HELZ2: variants seen among roughly 807,000 people sequenced by gnomAD.
HELZ2 encodes helicase with zinc finger 2, also known as 3'-5' exoribonuclease HELZ2.
A neutral mutation model predicts 208.8 loss-of-function variants in HELZ2; 143 were observed. The ratio of observed to expected loss-of-function variants is 0.68; its 90% CI spans 0.60 to 0.79. The LOEUF is 0.79. Ranked by LOEUF, HELZ2 falls within the 30% of genes least tolerant of loss-of-function variation. The probability of loss-of-function intolerance (pLI) is 0.00; values close to 1 mark genes in which losing one functional copy is unlikely to be tolerated. For missense variants in HELZ2, 3,690 were observed against 3,794.5 expected (o/e 0.97, Z 0.72); for synonymous variants, 1,705 against 1,693.7 (o/e 1.01, Z -0.16).
intron 1 of HELZ2, 105 bp from the exon 3 acceptor site, chr20:63,570,973 G>C: frequency 1.1e-6 from 1 of 885,344 alleles, no homozygotes; most frequent in Non-Finnish European, 1.7e-6. Flanking sequence ...AGGGAGCAGG[G>C]GCTTTATTCG....
chr20:63,570,712 G>A, exon 2 of HELZ2: 1 of 1,601,986 alleles, frequency 6.2e-7, no homozygotes. Flanking sequence ...TGCTGCGCTG[G>A]TACTCGGCCA....
chr20:63,562,039 G>C, intron 10 of HELZ2, 33 bp downstream of exon 11: 1 of 1,603,090 alleles, frequency 6.2e-7, no homozygotes, highest in South Asian at 1.1e-5. Flanking sequence ...TGTGGCCCAA[G>C]GCAGCCTGCG....
chr20:63,564,237 T>G (rs781393080), exon 8 of HELZ2: 1 of 1,612,024 alleles, frequency 6.2e-7, no homozygotes, highest in Non-Finnish European at 8.5e-7. Flanking sequence ...AACTGAATCA[T>G]GTACTCCTTC....
At chr20:63,568,144 G>A in intron 5 of HELZ2, 1 of 589,402 alleles carries the variant, frequency 1.7e-6, no homozygotes. Flanking sequence ...CTTGGGCCAG[G>A]GCCCCGGCAG....
At position 63,561,275 on chromosome 20, in the gene HELZ2, C is replaced by G. The variant is rs755980709; in HGVS notation, c.6954-1G>C. ...AGCCTCCCACAAGACCTTCTTGTACCTGCCGGGGACACTGCTTGTCACCCC... is the reference window on the plus strand; with the variant it reads ...AGCCTCCCACAAGACCTTCTTGTACGTGCCGGGGACACTGCTTGTCACCCC... On this transcript the variant is annotated splice_acceptor_variant, in intron 13 of 18. Transcript: ENST00000467148. LOFTEE classifies it high-confidence loss of function. The G allele has an allele frequency of 1.9e-6, 3 of 1,612,398 alleles. No individual in the cohort carries two copies. The African/African-American group carries it at 4.0e-5, about 22-fold the overall frequency.
At chr20:63,572,598 G>A (rs532917303), upstream of HELZ2, 132 of 550,310 alleles carry the variant, frequency 2.4e-4, no homozygotes, top group Middle Eastern at 4.8e-3. Flanking sequence ...GGGTCCACGC[G>A]ACAGATGCAT....
chr20:63,565,558 G>A (rs752608548), exon 8 of HELZ2: 16 of 1,607,568 alleles, frequency 1.0e-5, no homozygotes, highest in Middle Eastern at 1.6e-4. Flanking sequence ...CCTCCCCGAC[G>A]GTCACCATCA....
rs751417705 is a variant in HELZ2, at chr20:63,559,411, G to A, written c.7826-41C>T. On this transcript the variant is annotated intron_variant, in intron 18 of 18. Coordinates refer to ENST00000467148, the Ensembl canonical transcript of HELZ2. ...TCAGATGGGAGTCAGTCAGGGTCAG[G>A]TGGGAGGAGTCAGGGTCAGGTGGGA... The A allele has an allele frequency of 2.5e-5, 38 of 1,506,608 alleles. No homozygotes were observed. In the Admixed American group the frequency reaches 2.9e-4, roughly 11 times the overall value. 93.3% of individuals were successfully genotyped at this position (1,506,608 alleles called of 1,614,324 possible).
chr20:63,572,479 G>A (rs1262987714), upstream of HELZ2: 39 of 1,334,724 alleles, frequency 2.9e-5, no homozygotes, highest in South Asian at 3.5e-4. Context: ...GAGGCTGGCC[G>A]GCCCGGGGCC....
exon 1 of HELZ2, chr20:63,572,292 G>T: frequency 6.3e-7 from 1 of 1,586,156 alleles, no homozygotes; most frequent in African/African-American, 1.3e-5. Flanking sequence ...GGCTGGCCAA[G>T]GGGGGCCGTG....
In HELZ2 at chr20:63,559,910, G is replaced by A. The variant is rs776122726; in HGVS notation, c.7825+18C>T. ...TCACCTGTGTTCCCACCCTGGAAGA[G>A]CCCAGCCCCGCCCTCACCGATCAGG... On this transcript the variant is annotated intron_variant, in intron 18 of 18. Coordinates refer to ENST00000467148, the Ensembl canonical transcript of HELZ2. The A allele has an allele frequency of 3.1e-6, 5 of 1,604,406 alleles. 1 individual carries two copies. The South Asian group carries it at 4.4e-5, about 14-fold the overall frequency.
At position 63,566,361 on chromosome 20, in the gene HELZ2, C is replaced by G; in HGVS notation, c.2590+17G>C. On this transcript the variant is annotated intron_variant, in intron 7 of 18. Coordinates refer to ENST00000467148, the Ensembl canonical transcript of HELZ2. Reference sequence around the variant, plus strand: ...TCCTGGGGCAGCTGGCAGCACCTGGCCCCGCTGGTCACCCACCTGGCAGGA... The same window carrying G: ...TCCTGGGGCAGCTGGCAGCACCTGGGCCCGCTGGTCACCCACCTGGCAGGA... The G allele has an allele frequency of 6.5e-7, 1 of 1,546,628 alleles. No homozygotes were observed.
upstream of HELZ2, among the ~76,000 whole-genome samples, chr20:63,573,890 C>A (rs1226065698): frequency 6.6e-6 from 1 of 152,174 alleles, no homozygotes; most frequent in African/African-American, 2.4e-5. This position sits in a 1 kb window ranked among gnomAD's most constrained non-coding sequence, Gnocchi z 4.9. Context: ...GAGAAAACAT[C>A]CGAGTCTGCC....
At position 63,561,780 on chromosome 20, in the gene HELZ2, C is replaced by T. The variant is rs1161702822; in HGVS notation, c.6692-35G>A. ...GTTGGGGGACGTGAGTCCTGCCCCG[C>T]GTGCCAGCTCCCCAAAGGCCCCCAC... On this transcript the variant is annotated intron_variant, in intron 11 of 18. Coordinates refer to ENST00000467148, the Ensembl canonical transcript of HELZ2. The T allele has an allele frequency of 2.0e-5, 31 of 1,558,420 alleles. 1 individual carries two copies. The highest frequency in any genetic ancestry group is 3.4e-4 in the Middle Eastern group (2 of 5,856).
chr20:63,563,881 G>A lies in HELZ2; in HGVS notation c.4941C>T (p.Phe1647=), dbSNP rs561872663. Residue 1647 remains phenylalanine (F), a synonymous_variant, in exon 8 of 19, where the codon TTC becomes TTT. Transcript: ENST00000467148. Reference sequence around the variant, plus strand: ...GCTGGTGGCCCCGGGCGCAGCGGCCGAACGCCGAGCGCTCCAGGGCCTTGC... The same window carrying A: ...GCTGGTGGCCCCGGGCGCAGCGGCCAAACGCCGAGCGCTCCAGGGCCTTGC... The A allele has an allele frequency of 5.4e-5, 87 of 1,598,298 alleles. No homozygotes were observed. In the Admixed American group the frequency reaches 9.0e-4, roughly 17 times the overall value.
At position 63,569,129 on chromosome 20, in the gene HELZ2, C is replaced by A; in HGVS notation, c.1088+19G>T. 1 of 1,569,688 alleles carries A rather than the reference C, an allele frequency of 6.4e-7. No homozygotes were observed. The highest frequency in any genetic ancestry group is 8.6e-7 in the Non-Finnish European group (1 of 1,159,956). On this transcript the variant is annotated intron_variant, in intron 4 of 18. Coordinates refer to ENST00000467148, the Ensembl canonical transcript of HELZ2. Reference sequence around the variant, plus strand: ...AGCTGCTCCTGCTACCCCAGCTGCTCCTGTTGCCCCCAGCTCACTTGGCCA... The same window carrying A: ...AGCTGCTCCTGCTACCCCAGCTGCTACTGTTGCCCCCAGCTCACTTGGCCA...
intron 17 of HELZ2, 36 bp from the exon 19 acceptor site, chr20:63,560,131 G>A (rs112142168): frequency 1.1e-3 from 1,731 of 1,531,222 alleles, no homozygotes; most frequent in African/African-American, 3.7e-3. Context: ...CTGCCGCTGC[G>A]CCCACCCTCC....
Position 63,561,341 on chromosome 20 carries a change from G to A in HELZ2, c.6953+9C>T, listed in dbSNP as rs767412699. 33 of 1,612,860 alleles carry A rather than the reference G, an allele frequency of 2.0e-5. No individual in the cohort carries two copies. The highest frequency in any genetic ancestry group is 2.6e-5 in the Non-Finnish European group (31 of 1,179,898). ...CAGGCAGCTCCACCCCCTGGCCCCTGCCACTTACCAGACCAGGTCCTCCCT... is the reference window on the plus strand; with the variant it reads ...CAGGCAGCTCCACCCCCTGGCCCCTACCACTTACCAGACCAGGTCCTCCCT... On this transcript the variant is annotated intron_variant, in intron 13 of 18. Transcript: ENST00000467148.
exon 1 of HELZ2, chr20:63,572,361 G>T: frequency 6.4e-7 from 1 of 1,555,272 alleles, no homozygotes; most frequent in African/African-American, 1.4e-5. Flanking sequence ...AGGCCACCCA[G>T]CTGCTCGGCC....
Sources: gnomAD v4.1 joint callset for allele counts (sites outside exome capture counted in the v4.1 genomes callset) on GRCh38, gnomAD v4.1.1 for gene constraint, Gnocchi (gnomAD v3.1) non-coding constraint, MANE v1.5 for transcripts, NCBI Gene and HGNC (gene_info 2026-07-23, HGNC 2026-07-21) for gene names.